EVI5: variants seen among roughly 807,000 people sequenced by gnomAD.
EVI5 encodes ecotropic viral integration site 5.
EVI5 carries 73 observed loss-of-function variants against 112.0 expected under a neutral mutation model. The ratio of observed to expected loss-of-function variants is 0.65; its 90% CI spans 0.54 to 0.79. The LOEUF (loss-of-function observed/expected upper bound fraction) is 0.79. Among genes scored for constraint, EVI5 ranks in the 30% least tolerant of loss-of-function variants. The pLI, the probability that EVI5 is intolerant of heterozygous loss-of-function variation, is 0.00. For synonymous variants in EVI5, 305 were observed against 319.9 expected (o/e 0.95, Z 0.50); for missense variants, 900 against 968.8 (o/e 0.93, Z 0.94).
In EVI5 at chr1:92,695,390, A is replaced by G; in HGVS notation, c.829T>C (p.Ser277Pro). ...AGAAAGATAGTCAGAAACCAGGATG[A>G]TGCATACATTGAGGTATGAAAACTC... Reference protein sequence around the residue: ...SQSFHTSMYASSWFLTIFLTT... With the variant: ...SQSFHTSMYAPSWFLTIFLTT... The change falls in exon 7 of 20, where the codon TCA (serine) becomes CCA (proline). Residue 277 changes from serine (S) to proline (P), a missense_variant. Ser to Pro is a moderately conservative substitution (Grantham distance 74, BLOSUM62 -1). Coordinates refer to ENST00000684568, the MANE Select transcript of EVI5 (RefSeq NM_001350197.2). The G allele has an allele frequency of 6.2e-7, 1 of 1,605,018 alleles. No individual in the cohort carries two copies. The highest frequency in any genetic ancestry group is 8.5e-7 in the Non-Finnish European group (1 of 1,171,816).
chr1:92,780,103 T>G (rs1382969750), intron 1 of EVI5, among the ~76,000 whole-genome samples: 2 of 152,186 alleles, frequency 1.3e-5, no homozygotes, highest in East Asian at 3.8e-4. Flanking sequence ...TCCCCCACCC[T>G]GTTATTGTGA....
At chr1:92,766,210 T>A (rs1272205002) in intron 1 of EVI5, among the ~76,000 whole-genome samples, 1 of 151,382 alleles carries the variant, frequency 6.6e-6, no homozygotes, top group Admixed American at 6.6e-5. Context: ...AAAATTGTTA[T>A]ACCTAAGCTG....
At chr1:92,684,859 C>G (rs1288759427) in intron 9 of EVI5, among the ~76,000 whole-genome samples, 1 of 152,090 alleles carries the variant, frequency 6.6e-6, no homozygotes, top group Non-Finnish European at 1.5e-5. Flanking sequence ...AGCTAACTAT[C>G]CTAAATATAC....
chr1:92,545,414 T>TA (rs11284076), intron 19 of EVI5, among the ~76,000 whole-genome samples: 10,065 of 143,736 alleles, frequency 0.07, 445 homozygotes, highest in Non-Finnish European at 0.1. Context: ...CTACTTGATG[T>TA]AAAAAAAAAA....
intron 19 of EVI5, among the ~76,000 whole-genome samples, chr1:92,542,702 T>C (rs1665028216): frequency 6.6e-6 from 1 of 152,142 alleles, no homozygotes; most frequent in South Asian, 2.1e-4. Flanking sequence ...TCTTAAATAA[T>C]AAGACTTGAA....
At chr1:92,629,196 G>A (rs902588934) in intron 14 of EVI5, among the ~76,000 whole-genome samples, 3 of 152,126 alleles carry the variant, frequency 2.0e-5, no homozygotes, top group South Asian at 2.1e-4. Context: ...TCAACAAATC[G>A]AGATAATACA....
chr1:92,548,198 A>C (rs1214788669), intron 19 of EVI5, among the ~76,000 whole-genome samples: 1 of 152,186 alleles, frequency 6.6e-6, no homozygotes, highest in African/African-American at 2.4e-5. Flanking sequence ...TCAACATACG[A>C]AAATCAATAA....
intron 1 of EVI5, chr1:92,756,680 A>G: frequency 2.0e-6 from 1 of 501,456 alleles, no homozygotes. Context: ...CAGCATGTCA[A>G]ACAGTCACAT....
At chr1:92,664,845 A>G (rs372483457) in intron 11 of EVI5, among the ~76,000 whole-genome samples, 2 of 152,194 alleles carry the variant, frequency 1.3e-5, no homozygotes, top group African/African-American at 4.8e-5. Context: ...TTCAGGGAAG[A>G]TTTTAAGATC....
intron 1 of EVI5, among the ~76,000 whole-genome samples, chr1:92,767,082 C>CAAAA (rs35316799): frequency 7.1e-5 from 8 of 113,156 alleles, no homozygotes; most frequent in Admixed American, 1.0e-4. Flanking sequence ...GACTCCCTCT[C>CAAAA]AAAAAAAAAA....
intron 19 of EVI5, among the ~76,000 whole-genome samples, chr1:92,559,505 G>A (rs1668184244): frequency 1.3e-5 from 2 of 152,074 alleles, no homozygotes; most frequent in Non-Finnish European, 2.9e-5. Flanking sequence ...TGGGCATGGT[G>A]GCTCATGCCT....
rs543173183 is a variant in EVI5, at chr1:92,617,718, C to T, written c.1827+6458G>A. On this transcript the variant is annotated intron_variant, in intron 16 of 19. Transcript: ENST00000684568. ...GCCCTTGATATGGCACCATTCCTCACGGTGATCAGCTAGCTACCTGGTGGC... is the reference window on the plus strand; with the variant it reads ...GCCCTTGATATGGCACCATTCCTCATGGTGATCAGCTAGCTACCTGGTGGC... Among the ~76,000 whole-genome samples, 352 of 152,268 alleles carry T rather than the reference C, an allele frequency of 2.3e-3. 1 individual carries two copies. Among genetic ancestry groups the T allele is most frequent in the African/African-American group, 8.0e-3 (334 of 41,548 alleles).
At chr1:92,698,645 T>C (rs1670672395) in intron 5 of EVI5, among the ~76,000 whole-genome samples, 2 of 152,128 alleles carry the variant, frequency 1.3e-5, no homozygotes, top group South Asian at 4.1e-4. Context: ...GGTTACATCA[T>C]GGAGGAGAAA....
intron 13 of EVI5, among the ~76,000 whole-genome samples, chr1:92,661,862 C>T (rs1664073307): frequency 6.6e-6 from 1 of 152,062 alleles, no homozygotes; most frequent in Non-Finnish European, 1.5e-5. Flanking sequence ...CATAGAGTTC[C>T]AGGATTAACA....
intron 2 of EVI5, among the ~76,000 whole-genome samples, chr1:92,728,867 T>C (rs926009636): frequency 6.6e-6 from 1 of 152,190 alleles, no homozygotes. Flanking sequence ...AGTGTACCCA[T>C]GCTGTATGTG....
intron 1 of EVI5, among the ~76,000 whole-genome samples, chr1:92,767,615 A>T (rs1006396042): frequency 2.6e-5 from 4 of 152,368 alleles, no homozygotes; most frequent in East Asian, 1.9e-4. Context: ...CAATAAAATA[A>T]TTTTTTAAAG....
intron 19 of EVI5, among the ~76,000 whole-genome samples, chr1:92,552,326 G>A (rs555496337): frequency 1.6e-3 from 248 of 152,250 alleles, no homozygotes; most frequent in Admixed American, 3.7e-3. Flanking sequence ...GCTTGACTCT[G>A]AACATCAGAG....
chr1:92,662,626 A>T, intron 13 of EVI5, 93 bp downstream of exon 13: 1 of 846,782 alleles, frequency 1.2e-6, no homozygotes, highest in Non-Finnish European at 1.5e-6. Flanking sequence ...AAAATTATTT[A>T]AAACAACAGC....
intron 1 of EVI5, among the ~76,000 whole-genome samples, chr1:92,755,076 T>TG (rs1680734575): frequency 1.9e-4 from 29 of 151,100 alleles, no homozygotes; most frequent in Admixed American, 1.6e-3. Context: ...AGGTTTTTTT[T>TG]TTTTTTTTTT....
Sources: gnomAD v4.1 joint callset for allele counts (sites outside exome capture counted in the v4.1 genomes callset) on GRCh38, gnomAD v4.1.1 for gene constraint, MANE v1.5 for transcripts, NCBI Gene and HGNC (gene_info 2026-07-23, HGNC 2026-07-21) for gene names.